Variants in TET2 observed in about 807,000 individuals in gnomAD.
The protein encoded by TET2 is tet methylcytosine dioxygenase 2, also known as methylcytosine dioxygenase TET2.
Under a neutral mutation model 142.9 loss-of-function variants are expected in TET2, and 299 were observed. The observed-to-expected ratio is 2.09, with a 90% CI of 1.90 to 2.30. The LOEUF (loss-of-function observed/expected upper bound fraction) is 2.30. Ranked by LOEUF, TET2 falls within the 30% of genes most tolerant of loss-of-function variation. The pLI is 0.00. For synonymous variants in TET2, 819 were observed against 849.0 expected (o/e 0.96, Z 0.61); for missense variants, 2,418 against 2,378.0 (o/e 1.02, Z -0.35).
intron 6 of TET2, among the ~76,000 whole-genome samples, chr4:105,244,815 G>A (rs574037392): frequency 9.9e-4 from 151 of 152,116 alleles, no homozygotes; most frequent in Middle Eastern, 3.4e-3. Context: ...GGCTGGTCTC[G>A]AACTCCCGAC....
At position 105,234,022 on chromosome 4, in the gene TET2, C is replaced by G. The variant is rs765788512; in HGVS notation, c.80C>G (p.Thr27Arg). 1 of 1,613,946 alleles carries G rather than the reference C, an allele frequency of 6.2e-7. No individual in the cohort carries two copies. Among genetic ancestry groups the G allele is most frequent in the Non-Finnish European group, 8.5e-7 (1 of 1,179,988 alleles). The change falls in exon 3 of 11, where the codon ACA becomes AGA. Residue 27 changes from threonine (T) to arginine (R), a missense_variant. By Grantham distance (71) the Thr-to-Arg change is moderately conservative (BLOSUM62 -1). Coordinates refer to ENST00000380013, the MANE Select transcript of TET2 (RefSeq NM_001127208.3). ...ATACCATCACCTCCCATTTGCCAGA[C>G]AGAACCTCTGGCTACAAAGCTCCAG... ...FLIPSPPICQTEPLATKLQNG... is the reference protein window; with the variant it reads ...FLIPSPPICQREPLATKLQNG...
intron 1 of TET2, among the ~76,000 whole-genome samples, chr4:105,151,570 G>A (rs1723302476): frequency 6.6e-6 from 1 of 151,620 alleles, no homozygotes. Flanking sequence ...TCAGAACTCA[G>A]GCCAGGTGTG....
At chr4:105,261,652 T>C (rs543228542) in intron 7 of TET2, 107 bp from the exon 8 acceptor site, 24 of 595,216 alleles carry the variant, frequency 4.0e-5, no homozygotes, top group Middle Eastern at 6.5e-4. Flanking sequence ...GCACCATATA[T>C]TGTGTTTGGG....
At chr4:105,191,297 G>A (rs1023564510) in intron 2 of TET2, among the ~76,000 whole-genome samples, 8 of 152,166 alleles carry the variant, frequency 5.3e-5, no homozygotes, top group Non-Finnish European at 8.8e-5. Flanking sequence ...GCCATGACCT[G>A]CTGAGTGTCC....
Position 105,234,158 on chromosome 4 carries a change from T to A in TET2, c.216T>A (p.Ser72Arg), listed in dbSNP as rs1215867714. 1 of 1,614,052 alleles carries A rather than the reference T, an allele frequency of 6.2e-7. No homozygotes were observed. Among genetic ancestry groups the A allele is most frequent in the African/African-American group, 1.3e-5 (1 of 74,948 alleles). ...CCTGTATGAAGGGAAGCCAGAATAG[T>A]CGTGTGAGTCCTGACTTTACACAAG... ...GIPCMKGSQN[S>R]RVSPDFTQES... Residue 72 changes from serine to arginine, a missense_variant, in exon 3 of 11, where the codon AGT becomes AGA. Physicochemically the swap from Ser to Arg is moderately radical, Grantham distance 110. Transcript: ENST00000380013.
intron 1 of TET2, among the ~76,000 whole-genome samples, chr4:105,163,854 A>AGAGAGAGAGTGTGTGT (rs1553942671): frequency 1.8e-4 from 15 of 85,234 alleles, no homozygotes; most frequent in Middle Eastern, 6.0e-3. Context: ...AGAGAGAGAG[A>AGAGAGAGAGTGTGTGT]GTGTGTGTGT....
At chr4:105,155,717 G>A (rs369840925) in intron 1 of TET2, among the ~76,000 whole-genome samples, 1 of 152,180 alleles carries the variant, frequency 6.6e-6, no homozygotes, top group East Asian at 1.9e-4. Context: ...AAAATTCACT[G>A]ATCTGGAAAG....
Position 105,272,499 on chromosome 4 carries a change from A to G in TET2, c.4183-65A>G. The G allele has an allele frequency of 2.8e-6, 3 of 1,077,520 alleles. No homozygotes were observed. In the South Asian group the frequency reaches 5.0e-5, roughly 18 times the overall value. 66.7% of individuals were successfully genotyped at this position (1,077,520 alleles called of 1,614,324 possible). A position where few individuals can be genotyped will look rare whatever the true frequency, so the allele number is the denominator to read the frequency against. On this transcript the variant is annotated intron_variant, in intron 9 of 10. Transcript: ENST00000380013. ...CTGAATACTGAGAGGAGAAAGATAC[A>G]CACACACACACACGTTTTCTTTGGG...
At chr4:105,225,549 A>C (rs1560534751) in intron 2 of TET2, among the ~76,000 whole-genome samples, 1 of 152,126 alleles carries the variant, frequency 6.6e-6, no homozygotes, top group Non-Finnish European at 1.5e-5. Context: ...AATGAAGTTA[A>C]ATTTTACAAG....
rs1729410796 is a variant in TET2 at position 105,243,441 on chromosome 4, A to T, written c.3595-129A>T. On this transcript the variant is annotated intron_variant, in intron 5 of 10. Coordinates refer to ENST00000380013, the MANE Select transcript of TET2 (RefSeq NM_001127208.3). The stretch of plus-strand genomic sequence containing the variant: ...AAAGGCACATTGGACATGCTGATAA[A>T]TGTTGCCCTAATTGTGATCTAAACA... The T allele has an allele frequency of 4.8e-6, 4 of 825,344 alleles. No individual in the cohort carries two copies. The Admixed American group carries it at 8.8e-5, about 18-fold the overall frequency. 51.1% of individuals were successfully genotyped at this position (825,344 alleles called of 1,614,324 possible). A position where few individuals can be genotyped will look rare whatever the true frequency, so the allele number is the denominator to read the frequency against.
Position 105,235,025 on chromosome 4 carries a change from A to G in TET2, c.1083A>G (p.Gln361=), listed in dbSNP as rs1265811880. The G allele has an allele frequency of 1.2e-6, 2 of 1,614,146 alleles. No homozygotes were observed. The highest frequency in any genetic ancestry group is 1.7e-6 in the Non-Finnish European group (2 of 1,180,008). ...EFCSGSSSNL[Q]APGGSSERYL... is the part of the protein sequence containing the mutation. ...GTTCAGGTTCCAGCAGCAATTTGCA[A>G]GCTCCTGGTGGCAGCTCTGAACGGT... Residue 361 remains glutamine (Q), a synonymous_variant, in exon 3 of 11, where the codon CAA becomes CAG. Coordinates refer to ENST00000380013, the MANE Select transcript of TET2 (RefSeq NM_001127208.3).
At position 105,243,709 on chromosome 4, in the gene TET2, ACTCGGAG is replaced by A; in HGVS notation, c.3737_3743del (p.Ser1246LeufsTer5). 6.4e-7 allele frequency: 1 copy of A among 1,551,380 alleles called. No individual in the cohort carries two copies. The highest frequency in any genetic ancestry group is 8.7e-7 in the Non-Finnish European group (1 of 1,146,912). On this transcript the variant is annotated frameshift_variant, in exon 6 of 11. Coordinates refer to ENST00000380013, the MANE Select transcript of TET2 (RefSeq NM_001127208.3). LOFTEE classifies it high-confidence loss of function. ...CCGCTGTCTCTGGCTGACAAACTCT[ACTCGGAG>A]CTTACCGAGACGCTGAGGAAATACG...
intron 1 of TET2, among the ~76,000 whole-genome samples, chr4:105,147,244 T>A (rs556994836): frequency 6.6e-6 from 1 of 152,394 alleles, no homozygotes; most frequent in Non-Finnish European, 1.5e-5. Context: ...AAACTTACCT[T>A]TGTGCCTCCG....
chr4:105,236,765 TC>T lies in TET2; in HGVS notation c.2827del (p.Gln943ArgfsTer10), dbSNP rs1394477593. ...AGGGAGGAAGTCACACTCAGACCCCTCCCCAGAAGGACACTCAAAAGCATGC... is the reference window on the plus strand; with the variant it reads ...AGGGAGGAAGTCACACTCAGACCCCTCCCAGAAGGACACTCAAAAGCATGC... Reference protein sequence around the residue: ...DQGGSHTQTPPQKDTQKHAAL... With the variant: ...DQGGSHTQTPXQKDTQKHAAL... On this transcript the variant is annotated frameshift_variant, in exon 3 of 11. Transcript: ENST00000380013. LOFTEE classifies it high-confidence loss of function. The T allele has an allele frequency of 6.2e-7, 1 of 1,614,016 alleles. No homozygotes were observed. Among genetic ancestry groups the T allele is most frequent in the Non-Finnish European group, 8.5e-7 (1 of 1,179,986 alleles).
intron 1 of TET2, among the ~76,000 whole-genome samples, chr4:105,175,662 A>G (rs562458670): frequency 2.4e-4 from 37 of 152,134 alleles, no homozygotes; most frequent in Non-Finnish European, 5.0e-4. Context: ...ATTTGAAGAA[A>G]TAGTGTGTGA....
intron 3 of TET2, chr4:105,238,121 A>G (rs1729065494): frequency 4.5e-6 from 1 of 220,422 alleles, no homozygotes; most frequent in African/African-American, 2.3e-5. Flanking sequence ...CTAAGTGTGC[A>G]ATAGCATTGT....
intron 6 of TET2, among the ~76,000 whole-genome samples, chr4:105,244,111 G>A (rs1195534985): frequency 2.6e-5 from 4 of 152,144 alleles, no homozygotes; most frequent in Non-Finnish European, 4.4e-5. Context: ...ATATTAGTAT[G>A]TATTGACTCC....
intron 2 of TET2, among the ~76,000 whole-genome samples, chr4:105,200,642 G>GT (rs1560746924): frequency 2.0e-5 from 3 of 149,400 alleles, no homozygotes; most frequent in Non-Finnish European, 4.5e-5. Flanking sequence ...TTTTTTGTTT[G>GT]TTTTGTTTTT....
At chr4:105,187,167 A>G (rs748257336) in intron 1 of TET2, among the ~76,000 whole-genome samples, 21 of 152,212 alleles carry the variant, frequency 1.4e-4, no homozygotes, top group Non-Finnish European at 2.4e-4. Context: ...CCACCTTGGT[A>G]TAGTTAAAAA....
Sources: gnomAD v4.1 joint callset for allele counts (sites outside exome capture counted in the v4.1 genomes callset) on GRCh38, gnomAD v4.1.1 for gene constraint, MANE v1.5 for transcripts, NCBI Gene and HGNC (gene_info 2026-07-23, HGNC 2026-07-21) for gene names.